The following KCNB2 variants were observed in gnomAD, a reference collection of about 807,000 sequenced individuals.
The protein encoded by KCNB2 is potassium voltage-gated channel subfamily B member 2, also known as delayed rectifier potassium channel protein.
Under a neutral mutation model 61.5 loss-of-function variants are expected in KCNB2, and 15 were observed. That is an observed-to-expected ratio of 0.24 (90% CI 0.16 to 0.38). The LOEUF is 0.38. KCNB2 is among the 10% of genes least tolerant of loss of function. The pLI is 1.00. For synonymous variants in KCNB2, 457 were observed against 446.0 expected (o/e 1.02, Z -0.31); for missense variants, 828 against 1,125.2 (o/e 0.74, Z 3.78).
At chr8:72,739,547 C>A (rs770429461) in intron 2 of KCNB2, among the ~76,000 whole-genome samples, 1 of 151,630 alleles carries the variant, frequency 6.6e-6, no homozygotes, top group African/African-American at 2.4e-5. Context: ...TAAGCAAAAG[C>A]GAGTGGAAGT....
intron 2 of KCNB2, among the ~76,000 whole-genome samples, chr8:72,664,911 CA>C (rs1806442229): frequency 6.6e-6 from 1 of 152,098 alleles, no homozygotes; most frequent in African/African-American, 2.4e-5. Context: ...AAGGAAACAG[CA>C]AAGACAAAAG....
At chr8:72,768,780 G>A (rs1266325163) in intron 2 of KCNB2, among the ~76,000 whole-genome samples, 1 of 152,078 alleles carries the variant, frequency 6.6e-6, no homozygotes, top group East Asian at 1.9e-4. Context: ...TTTGCAAGTG[G>A]ACATCCAGTT....
chr8:72,734,386 C>A (rs1419996604), intron 2 of KCNB2, among the ~76,000 whole-genome samples: 1 of 152,170 alleles, frequency 6.6e-6, no homozygotes, highest in Non-Finnish European at 1.5e-5. Flanking sequence ...CACTTAGAAT[C>A]CCCTAGTTCT....
chr8:72,604,384 A>G lies in KCNB2; in HGVS notation c.579+36071A>G, dbSNP rs143678612. Among the ~76,000 whole-genome samples the G allele has an allele frequency of 1.5e-4, 23 of 152,336 alleles. No individual in the cohort carries two copies. In the East Asian group the frequency reaches 4.2e-3, roughly 28 times the overall value. ...GAAGCATTATGACATAGCAGAAAGAATCAGTGCTCAGAAAAACAAAAACCT... is the reference window on the plus strand; with the variant it reads ...GAAGCATTATGACATAGCAGAAAGAGTCAGTGCTCAGAAAAACAAAAACCT... On this transcript the variant is annotated intron_variant, in intron 2 of 2. Coordinates refer to ENST00000523207, the MANE Select transcript of KCNB2 (RefSeq NM_004770.3).
At chr8:72,597,951 CA>C (rs1282559301) in intron 2 of KCNB2, among the ~76,000 whole-genome samples, 1 of 152,056 alleles carries the variant, frequency 6.6e-6, no homozygotes, top group Non-Finnish European at 1.5e-5. Context: ...ACAGAAATAC[CA>C]TTCGACCCAG....
At chr8:72,925,685 G>A (rs150478503) in intron 2 of KCNB2, among the ~76,000 whole-genome samples, 54 of 152,300 alleles carry the variant, frequency 3.5e-4, no homozygotes, top group African/African-American at 9.9e-4. Context: ...GCAGTGTGGC[G>A]ATTCCTCAAA....
Position 72,937,125 on chromosome 8 carries a change from G to C in KCNB2, c.1770G>C (p.Gln590His). 6.2e-7 allele frequency: 1 copy of C among 1,614,138 alleles called. No homozygotes were observed. Among genetic ancestry groups the C allele is most frequent in the Non-Finnish European group, 8.5e-7 (1 of 1,180,018 alleles). The change falls in exon 3 of 3, where the codon CAG becomes CAC. Residue 590 changes from glutamine to histidine, a missense_variant. Physicochemically the swap from Gln to His is conservative, Grantham distance 24. Transcript: ENST00000523207. ...CACAGGAGCAGCTGGCCGTGGCACA[G>C]ACCGAGGTCATTGTGGACATGAAGA... ...VCPQEQLAVA[Q>H]TEVIVDMKST...
At chr8:72,797,806 A>G (rs1809055711) in intron 2 of KCNB2, among the ~76,000 whole-genome samples, 1 of 152,216 alleles carries the variant, frequency 6.6e-6, no homozygotes, top group Admixed American at 6.5e-5. Context: ...CCACTGTGGC[A>G]TACCCCATGG....
intron 2 of KCNB2, among the ~76,000 whole-genome samples, chr8:72,830,002 C>T (rs1413526325): frequency 6.8e-6 from 1 of 146,456 alleles, no homozygotes; most frequent in East Asian, 2.0e-4. Context: ...AAAAAAAAGC[C>T]AACTAGGTTT....
At chr8:72,632,896 T>C (rs1019808021) in intron 2 of KCNB2, among the ~76,000 whole-genome samples, 3 of 152,206 alleles carry the variant, frequency 2.0e-5, no homozygotes, top group Non-Finnish European at 2.9e-5. Context: ...TTTAGTTCCA[T>C]TGAATCCACT....
Position 72,792,624 on chromosome 8 carries a change from T to A in KCNB2, c.580-143311T>A, listed in dbSNP as rs548748453. Among the ~76,000 whole-genome samples the A allele has an allele frequency of 3.3e-5, 5 of 152,312 alleles. No homozygotes were observed. In the South Asian group the frequency reaches 1.0e-3, roughly 32 times the overall value. ...GATGCCAGGATCCCATACTCAGATA[T>A]TCTATTTTAATTATCCTGTGGTGGA... On this transcript the variant is annotated intron_variant, in intron 2 of 2. Coordinates refer to ENST00000523207, the MANE Select transcript of KCNB2 (RefSeq NM_004770.3).
chr8:72,918,259 C>G (rs1806439704), intron 2 of KCNB2, among the ~76,000 whole-genome samples: 1 of 152,150 alleles, frequency 6.6e-6, no homozygotes, highest in African/African-American at 2.4e-5. Context: ...TGTAGCAGTG[C>G]TAAGTCATCA....
At chr8:72,613,601 A>G (rs2128983585) in intron 2 of KCNB2, among the ~76,000 whole-genome samples, 1 of 152,316 alleles carries the variant, frequency 6.6e-6, no homozygotes, top group East Asian at 1.9e-4. Flanking sequence ...TCAGTTGGTG[A>G]TACATCATCC....
chr8:72,859,373 C>A (rs986898411), intron 2 of KCNB2, among the ~76,000 whole-genome samples: 2 of 152,182 alleles, frequency 1.3e-5, no homozygotes, highest in African/African-American at 2.4e-5. Context: ...ATATAATTCA[C>A]ATCCCATACA....
intron 2 of KCNB2, among the ~76,000 whole-genome samples, chr8:72,912,411 A>C (rs931379184): frequency 6.6e-6 from 1 of 151,720 alleles, no homozygotes; most frequent in Admixed American, 6.6e-5. Context: ...GAGACAAGTC[A>C]CAAAAAAGGT....
At chr8:72,802,370 G>C (rs1809147567) in intron 2 of KCNB2, among the ~76,000 whole-genome samples, 1 of 152,156 alleles carries the variant, frequency 6.6e-6, no homozygotes, top group South Asian at 2.1e-4. Context: ...AGTCTATAAA[G>C]TCACACATGC....
At chr8:72,657,135 C>T (rs1437258320) in intron 2 of KCNB2, among the ~76,000 whole-genome samples, 1 of 152,110 alleles carries the variant, frequency 6.6e-6, no homozygotes, top group Non-Finnish European at 1.5e-5. Flanking sequence ...AGGCACAGTG[C>T]AAACTACACA....
intron 1 of KCNB2, among the ~76,000 whole-genome samples, chr8:72,553,035 G>A (rs778783664): frequency 2.0e-5 from 3 of 151,682 alleles, no homozygotes; most frequent in Non-Finnish European, 4.4e-5. Flanking sequence ...TCTATAAGCT[G>A]TTTTATGAGT....
chr8:72,725,601 A>ATATATGTGTGTGTG lies in KCNB2; in HGVS notation c.579+157293_579+157294insGTGTGTGTGTATAT, dbSNP rs1554587083. ...TATATATATATGTATGTATATATAT[A>ATATATGTGTGTGTG]TATATATATATATATATATATGCAT... On this transcript the variant is annotated intron_variant, in intron 2 of 2. Transcript: ENST00000523207. 7.0e-5 allele frequency among the ~76,000 whole-genome samples: 7 copies of ATATATGTGTGTGTG among 100,250 alleles called. No individual in the cohort carries two copies. The Admixed American group carries it at 8.2e-4, about 12-fold the overall frequency. 65.8% of individuals were successfully genotyped at this position (100,250 alleles called of 152,430 possible).
Sources: allele counts gnomAD v4.1 joint callset (sites outside exome capture counted in the v4.1 genomes callset), GRCh38; gene constraint gnomAD v4.1.1; transcripts MANE v1.5; gene names NCBI Gene and HGNC (gene_info 2026-07-23, HGNC 2026-07-21).